LYN: variants seen among roughly 807,000 people sequenced by gnomAD.
LYN encodes LYN proto-oncogene, Src family tyrosine kinase.
A neutral mutation model predicts 65.0 loss-of-function variants in LYN; 12 were observed. The ratio of observed to expected loss-of-function variants is 0.18; its 90% CI spans 0.12 to 0.30. The LOEUF (loss-of-function observed/expected upper bound fraction) is 0.30. Among genes scored for constraint, LYN ranks in the 10% least tolerant of loss-of-function variants. LYN has a pLI of 1.00. For synonymous variants in LYN, 222 were observed against 221.2 expected, an observed-to-expected ratio of 1.00 and a Z score of -0.03; for missense variants, 380 against 623.2, an observed-to-expected ratio of 0.61 and a Z score of 4.16.
intron 1 of LYN, among the ~76,000 whole-genome samples, chr8:55,889,487 C>A (rs1337391722): frequency 2.0e-5 from 3 of 152,144 alleles, no homozygotes; most frequent in Non-Finnish European, 4.4e-5. Context: ...GGATTACAGG[C>A]GTGAGCCACC....
intron 8 of LYN, among the ~76,000 whole-genome samples, chr8:55,956,407 A>C (rs2130503503): frequency 6.6e-6 from 1 of 152,302 alleles, no homozygotes. Flanking sequence ...CAGGAGGCAT[A>C]GTATTAGCCG....
At chr8:55,914,075 A>G (rs1030762454) in intron 1 of LYN, among the ~76,000 whole-genome samples, 2 of 151,944 alleles carry the variant, frequency 1.3e-5, no homozygotes, top group Non-Finnish European at 2.9e-5. Context: ...AGCATGGAGA[A>G]TGGAGAGGTG....
At chr8:55,995,023 C>T (rs1808338771) in intron 10 of LYN, among the ~76,000 whole-genome samples, 1 of 152,220 alleles carries the variant, frequency 6.6e-6, no homozygotes, top group Admixed American at 6.5e-5. Flanking sequence ...CTTTTTCTAA[C>T]AAGTCTTGTT....
chr8:55,904,534 T>C (rs776701671), intron 1 of LYN, among the ~76,000 whole-genome samples: 1 of 152,158 alleles, frequency 6.6e-6, no homozygotes, highest in Non-Finnish European at 1.5e-5. Flanking sequence ...CATGGAATTA[T>C]GATGCCACAC....
intron 1 of LYN, among the ~76,000 whole-genome samples, chr8:55,917,926 A>T (rs145595665): frequency 2.2e-4 from 33 of 152,312 alleles, no homozygotes; most frequent in African/African-American, 7.5e-4. Flanking sequence ...GTATTCATAG[A>T]AGTTCTTTGG....
intron 10 of LYN, among the ~76,000 whole-genome samples, chr8:55,995,284 C>T (rs1808345470): frequency 6.6e-6 from 1 of 152,198 alleles, no homozygotes; most frequent in Admixed American, 6.5e-5. Context: ...GTTGACTTCC[C>T]ATCAAGGCTG....
At chr8:56,006,856 C>T (rs554623117) in intron 12 of LYN, among the ~76,000 whole-genome samples, 2 of 152,190 alleles carry the variant, frequency 1.3e-5, no homozygotes, top group African/African-American at 4.8e-5. Context: ...GTTGAGGTCC[C>T]TCTCCTCTTC....
intron 1 of LYN, among the ~76,000 whole-genome samples, chr8:55,896,386 C>T (rs554294885): frequency 6.6e-6 from 1 of 152,178 alleles, no homozygotes; most frequent in African/African-American, 2.4e-5. Flanking sequence ...CCATCATTCT[C>T]AGCAAACTAA....
At chr8:55,894,719 G>C (rs536262243) in intron 1 of LYN, among the ~76,000 whole-genome samples, 73 of 152,200 alleles carry the variant, frequency 4.8e-4, no homozygotes, top group African/African-American at 1.7e-3. Context: ...ATTTTTAGTA[G>C]AGACGGGGTT....
At chr8:56,006,051 T>C (rs1370133205) in intron 12 of LYN, among the ~76,000 whole-genome samples, 1 of 151,950 alleles carries the variant, frequency 6.6e-6, no homozygotes, top group Non-Finnish European at 1.5e-5. Context: ...CGCCATGTAC[T>C]CCAGCCTGGG....
At chr8:55,972,160 T>C (rs1308356168) in intron 10 of LYN, among the ~76,000 whole-genome samples, 2 of 152,228 alleles carry the variant, frequency 1.3e-5, no homozygotes, top group East Asian at 3.9e-4. Flanking sequence ...CTCAAGTGCA[T>C]GAACTGCTCA....
At chr8:55,905,668 C>T (rs1242965221) in intron 1 of LYN, among the ~76,000 whole-genome samples, 4 of 152,096 alleles carry the variant, frequency 2.6e-5, no homozygotes, top group African/African-American at 9.7e-5. Flanking sequence ...TTCCTAGTCA[C>T]CCCCAAACAC....
intron 4 of LYN, among the ~76,000 whole-genome samples, chr8:55,948,400 G>T (rs183131776): frequency 1.3e-5 from 2 of 152,258 alleles, no homozygotes; most frequent in African/African-American, 2.4e-5. Context: ...CATGGGCCCA[G>T]CCTAGCTTGA....
chr8:55,906,026 TTTTC>T, intron 1 of LYN, among the ~76,000 whole-genome samples: 1 of 152,228 alleles, frequency 6.6e-6, no homozygotes, highest in East Asian at 1.9e-4. Context: ...GTGTTGTTGC[TTTTC>T]TTTCTTTTTC....
At chr8:55,941,791 A>G in intron 1 of LYN, 64 bp from the exon 2 acceptor site, 1 of 1,269,680 alleles carries the variant, frequency 7.9e-7, no homozygotes, top group Non-Finnish European at 1.1e-6. Flanking sequence ...TATTGGAGAC[A>G]TTTTGATGGC....
intron 1 of LYN, among the ~76,000 whole-genome samples, chr8:55,924,573 A>G (rs1806045768): frequency 6.6e-6 from 1 of 151,876 alleles, no homozygotes; most frequent in African/African-American, 2.4e-5. Flanking sequence ...CATGTTGGCC[A>G]GGCTGGTCTT....
intron 1 of LYN, among the ~76,000 whole-genome samples, chr8:55,924,472 C>T (rs1031798207): frequency 6.6e-6 from 1 of 151,912 alleles, no homozygotes; most frequent in African/African-American, 2.4e-5. Flanking sequence ...AAGTAATTCT[C>T]CTGCCTCAGC....
chr8:55,957,625 T>C (rs1807158389), intron 8 of LYN, among the ~76,000 whole-genome samples: 1 of 152,172 alleles, frequency 6.6e-6, no homozygotes, highest in South Asian at 2.1e-4. Flanking sequence ...GAGTGAATTA[T>C]TTCTTAGTAA....
intron 10 of LYN, among the ~76,000 whole-genome samples, chr8:55,997,901 G>A (rs1160396664): frequency 1.1e-4 from 17 of 152,090 alleles, no homozygotes; most frequent in Admixed American, 7.2e-4. Context: ...TGGCTAACAT[G>A]GTGAAACCCC....
Sources: gnomAD v4.1 joint callset for allele counts (sites outside exome capture counted in the v4.1 genomes callset) on GRCh38, gnomAD v4.1.1 for gene constraint, MANE v1.5 for transcripts, NCBI Gene and HGNC (gene_info 2026-07-23, HGNC 2026-07-21) for gene names.